ATRNL1: variants seen among roughly 807,000 people sequenced by gnomAD.
ATRNL1 encodes the protein attractin-like protein 1.
In ATRNL1, 95 loss-of-function variants were observed where a neutral mutation model predicts 182.7. That is an observed-to-expected ratio of 0.52 (90% CI 0.44 to 0.62). The LOEUF is 0.62. Among genes scored for constraint, ATRNL1 ranks in the 20% least tolerant of loss-of-function variants. The pLI is 0.00. For synonymous variants in ATRNL1, 576 were observed against 568.3 expected, an observed-to-expected ratio of 1.01 and a Z score of -0.19; for missense variants, 1,471 against 1,679.5, an observed-to-expected ratio of 0.88 and a Z score of 2.17.
chr10:115,628,929 C>A (rs782484875), intron 26 of ATRNL1, among the ~76,000 whole-genome samples: 2 of 152,118 alleles, frequency 1.3e-5, no homozygotes, highest in Non-Finnish European at 2.9e-5. Context: ...ATTGAATAGT[C>A]TTGGCCTTCA....
intron 21 of ATRNL1, among the ~76,000 whole-genome samples, chr10:115,452,331 A>G (rs1257206287): frequency 6.6e-6 from 1 of 152,150 alleles, no homozygotes; most frequent in Non-Finnish European, 1.5e-5. Flanking sequence ...GATCTTAATG[A>G]CATGCTTTTT....
At chr10:115,304,236 G>A (rs947815472) in intron 17 of ATRNL1, among the ~76,000 whole-genome samples, 17 of 152,160 alleles carry the variant, frequency 1.1e-4, no homozygotes, top group African/African-American at 3.9e-4. Context: ...CTCCATAGGA[G>A]CAGCCACTGG....
At chr10:115,806,124 T>G (rs1949915315) in intron 27 of ATRNL1, among the ~76,000 whole-genome samples, 1 of 152,298 alleles carries the variant, frequency 6.6e-6, no homozygotes, top group South Asian at 2.1e-4. Flanking sequence ...TTACTTAAAC[T>G]TCAGTAATTT....
intron 14 of ATRNL1, among the ~76,000 whole-genome samples, chr10:115,283,389 G>A (rs1266853621): frequency 6.6e-6 from 1 of 152,132 alleles, no homozygotes; most frequent in African/African-American, 2.4e-5. Flanking sequence ...ACCCCAGCCT[G>A]GGTGACAGAG....
chr10:115,546,266 A>C (rs1435461161), intron 25 of ATRNL1, among the ~76,000 whole-genome samples: 8 of 152,062 alleles, frequency 5.3e-5, no homozygotes, highest in Admixed American at 3.9e-4. Context: ...TCAGTACCAT[A>C]TTTTAAGAGT....
At chr10:115,330,107 T>C (rs562722800) in intron 18 of ATRNL1, among the ~76,000 whole-genome samples, 1 of 152,278 alleles carries the variant, frequency 6.6e-6, no homozygotes, top group Admixed American at 6.5e-5. Context: ...TAAAAGGCTA[T>C]TTTGAATTGA....
At chr10:115,932,743 TAAGA>T (rs1953440774) in intron 28 of ATRNL1, among the ~76,000 whole-genome samples, 1 of 152,212 alleles carries the variant, frequency 6.6e-6, no homozygotes, top group African/African-American at 2.4e-5. Flanking sequence ...GCTAGGAACT[TAAGA>T]GAGCAGAAAT....
chr10:115,678,623 A>G (rs952121606), intron 26 of ATRNL1, among the ~76,000 whole-genome samples: 1 of 152,140 alleles, frequency 6.6e-6, no homozygotes, highest in Non-Finnish European at 1.5e-5. Flanking sequence ...AATAAGTATT[A>G]ACATTAAAGA....
chr10:115,857,171 T>C (rs1951208752), intron 28 of ATRNL1, among the ~76,000 whole-genome samples: 1 of 152,202 alleles, frequency 6.6e-6, no homozygotes, highest in Admixed American at 6.5e-5. Flanking sequence ...AATAATACAA[T>C]ATATAACATA....
chr10:115,251,306 A>C (rs1156357125), intron 10 of ATRNL1, among the ~76,000 whole-genome samples: 1 of 152,194 alleles, frequency 6.6e-6, no homozygotes, highest in African/African-American at 2.4e-5. Context: ...TGTATTATCC[A>C]GGGGATAAAA....
intron 28 of ATRNL1, among the ~76,000 whole-genome samples, chr10:115,870,867 T>A (rs189001670): frequency 2.6e-5 from 4 of 152,320 alleles, no homozygotes; most frequent in African/African-American, 9.6e-5. Context: ...ATAGTTCTTT[T>A]CTTTATAGTT....
chr10:115,865,115 C>A (rs1157454292), intron 28 of ATRNL1, among the ~76,000 whole-genome samples: 1 of 152,086 alleles, frequency 6.6e-6, no homozygotes, highest in African/African-American at 2.4e-5. Flanking sequence ...ACATTGGAGT[C>A]TAATAACATA....
At chr10:115,643,242 C>A (rs1204095375) in intron 26 of ATRNL1, among the ~76,000 whole-genome samples, 1 of 152,070 alleles carries the variant, frequency 6.6e-6, no homozygotes, top group African/African-American at 2.4e-5. Flanking sequence ...AACCCTTCAA[C>A]AAATAGTGCT....
chr10:115,684,585 G>T (rs1555045777), intron 26 of ATRNL1, among the ~76,000 whole-genome samples: 1 of 151,298 alleles, frequency 6.6e-6, no homozygotes, highest in Non-Finnish European at 1.5e-5. Context: ...CCATAATATA[G>T]CATAATTTAA....
chr10:115,112,349 G>T (rs187457569), intron 1 of ATRNL1, among the ~76,000 whole-genome samples: 26 of 152,274 alleles, frequency 1.7e-4, no homozygotes, highest in African/African-American at 5.3e-4. Flanking sequence ...AAAGAACAAA[G>T]CTAGAGGCAT....
chr10:115,716,100 A>G (rs1350532415), intron 26 of ATRNL1, among the ~76,000 whole-genome samples: 4 of 152,192 alleles, frequency 2.6e-5, no homozygotes, highest in African/African-American at 9.7e-5. Context: ...AAAAAACATC[A>G]TGTCTCCTTT....
Position 115,387,586 on chromosome 10 carries a change from C to T in ATRNL1, c.3176-7073C>T, listed in dbSNP as rs1471670492. On this transcript the variant is annotated intron_variant, in intron 19 of 28. Transcript: ENST00000355044. Reference sequence around the variant, plus strand: ...CCATTTCCATCACTGCAAAAGAAAACCCATAACCATTAAACAACCCAGCCC... The same window carrying T: ...CCATTTCCATCACTGCAAAAGAAAATCCATAACCATTAAACAACCCAGCCC... Among the ~76,000 whole-genome samples the T allele has an allele frequency of 2.6e-5, 4 of 152,150 alleles. 1 individual carries two copies. Among genetic ancestry groups the T allele is most frequent in the Admixed American group, 2.0e-4 (3 of 15,276 alleles).
chr10:115,563,972 C>T (rs532092177), intron 26 of ATRNL1, among the ~76,000 whole-genome samples: 9 of 152,044 alleles, frequency 5.9e-5, no homozygotes, highest in Non-Finnish European at 1.3e-4. Flanking sequence ...ATTCTGTTCT[C>T]CTCATGTCCA....
intron 19 of ATRNL1, among the ~76,000 whole-genome samples, chr10:115,378,591 C>G (rs1167710684): frequency 2.6e-5 from 4 of 151,944 alleles, no homozygotes; most frequent in Non-Finnish European, 5.9e-5. Flanking sequence ...CAGCAGTTCC[C>G]TGTGTGTGTG....
Sources: allele counts gnomAD v4.1 joint callset (sites outside exome capture counted in the v4.1 genomes callset), GRCh38; gene constraint gnomAD v4.1.1; transcripts MANE v1.5; gene names NCBI Gene and HGNC (gene_info 2026-07-23, HGNC 2026-07-21).